SYTL5: variants seen among roughly 807,000 people sequenced by gnomAD.
The protein encoded by SYTL5 is synaptotagmin like 5.
Under a neutral mutation model 55.9 loss-of-function variants are expected in SYTL5, and 34 were observed. The observed-to-expected ratio is 0.61, with a 90% CI of 0.46 to 0.81. SYTL5 has a LOEUF of 0.81. Ranked by LOEUF, SYTL5 falls within the 30% of genes least tolerant of loss-of-function variation. The pLI, the probability that SYTL5 is intolerant of heterozygous loss-of-function variation, is 0.00. For synonymous variants in SYTL5, 221 were observed against 188.7 expected (o/e 1.17, Z -1.40); for missense variants, 637 against 546.7 (o/e 1.17, Z -1.65).
In SYTL5 at chrX:38,126,582, C is replaced by T. The variant is rs763420237; in HGVS notation, c.2051-6C>T. 1.7e-6 allele frequency: 2 copies of T among 1,211,228 alleles called. No individual in the cohort carries two copies. Among genetic ancestry groups the T allele is most frequent in the Non-Finnish European group, 1.1e-6 (1 of 895,244 alleles). On this transcript the variant is annotated splice_polypyrimidine_tract_variant and splice_region_variant and intron_variant, in intron 16 of 16. Coordinates refer to ENST00000297875, the MANE Select transcript of SYTL5 (RefSeq NM_138780.3). ...GACATAAAATTTTCCCGTTTCGCCTCTTCAGGTGTGAGCCATGGGAAGAAC... is the reference window on the plus strand; with the variant it reads ...GACATAAAATTTTCCCGTTTCGCCTTTTCAGGTGTGAGCCATGGGAAGAAC...
the SYTL5 span, among the ~76,000 whole-genome samples, chrX:37,919,290 T>C: frequency 9.0e-6 from 1 of 111,431 alleles, no homozygotes; most frequent in East Asian, 2.8e-4. Flanking sequence ...GCAAAGTGAG[T>C]AGCCAGGTGA....
At chrX:37,953,447 T>A in the SYTL5 span, among the ~76,000 whole-genome samples, 2 of 111,600 alleles carry the variant, frequency 1.8e-5, no homozygotes, top group South Asian at 3.8e-4. Context: ...ATGAGAACAC[T>A]CAGGGTCAGA....
At chrX:37,971,600 A>T in the SYTL5 span, among the ~76,000 whole-genome samples, 20 of 111,538 alleles carry the variant, frequency 1.8e-4, no homozygotes, top group African/African-American at 6.2e-4. Flanking sequence ...GTTGAAAAGT[A>T]ACAGCAGATT....
chrX:37,955,499 G>A, the SYTL5 span, among the ~76,000 whole-genome samples: 10 of 111,748 alleles, frequency 8.9e-5, no homozygotes, highest in African/African-American at 1.6e-4. Flanking sequence ...TGCCAACATC[G>A]TCTGTATTGT....
At chrX:38,050,797 T>C (rs5918461) in intron 2 of SYTL5, among the ~76,000 whole-genome samples, 44,935 of 110,786 alleles carry the variant, frequency 0.41, 8,816 homozygotes, top group African/African-American at 0.76. Flanking sequence ...TCATGGCATT[T>C]TCAGACCAGG....
chrX:37,948,967 C>T, the SYTL5 span, among the ~76,000 whole-genome samples: 1 of 111,372 alleles, frequency 9.0e-6, no homozygotes, highest in Non-Finnish European at 1.9e-5. Context: ...TATGTAAACT[C>T]TAAAGGTTCC....
intron 10 of SYTL5, chrX:38,103,200 A>T: frequency 1.9e-6 from 1 of 514,322 alleles, no homozygotes; most frequent in Non-Finnish European, 3.1e-6. Context: ...TTTCCGACTT[A>T]TATACAATTA....
At chrX:37,950,265 G>A in the SYTL5 span, among the ~76,000 whole-genome samples, 2 of 111,115 alleles carry the variant, frequency 1.8e-5, no homozygotes, top group African/African-American at 6.5e-5. Flanking sequence ...GACCCTTTCT[G>A]TTGGCACCTG....
At chrX:38,013,763 A>G (rs1383869250) in intron 1 of SYTL5, among the ~76,000 whole-genome samples, 1 of 110,174 alleles carries the variant, frequency 9.1e-6, no homozygotes, top group African/African-American at 3.3e-5. Flanking sequence ...CACTGACCTC[A>G]CCCCATCTCC....
chrX:37,935,171 G>A, the SYTL5 span, among the ~76,000 whole-genome samples: 1 of 112,165 alleles, frequency 8.9e-6, no homozygotes, highest in Admixed American at 9.5e-5. Context: ...AAGGAGGACA[G>A]AAGGCAAAGT....
Position 38,106,604 on chromosome X carries a change from C to A in SYTL5, c.1167C>A (p.Asn389Lys). 1 of 1,198,702 alleles carries A rather than the reference C, an allele frequency of 8.3e-7. No individual in the cohort carries two copies. Among genetic ancestry groups the A allele is most frequent in the Non-Finnish European group, 1.1e-6 (1 of 890,136 alleles). Residue 389 changes from asparagine (N) to lysine (K), a missense_variant, in exon 11 of 17, where the codon AAC becomes AAA. Transcript: ENST00000297875. The part of the protein sequence containing the change: ...LASGLSTTSL[N>K]SMMSVYSETG... ...CTTGTTTATTCCAGACCAGCCTTAA[C>A]AGCATGATGAGCGTTTACAGTGAAA...
At chrX:37,900,026 A>G in the SYTL5 span, among the ~76,000 whole-genome samples, 2 of 112,283 alleles carry the variant, frequency 1.8e-5, no homozygotes, top group African/African-American at 6.5e-5. Flanking sequence ...TAAGCATAAG[A>G]GTTGTGCTTG....
chrX:37,929,572 G>T, the SYTL5 span, among the ~76,000 whole-genome samples: 1 of 111,947 alleles, frequency 8.9e-6, no homozygotes, highest in Admixed American at 9.5e-5. Flanking sequence ...AGTGAAGAAG[G>T]TACCATGCAG....
chrX:38,088,892 G>C (rs1414652619), intron 6 of SYTL5, among the ~76,000 whole-genome samples: 1 of 112,221 alleles, frequency 8.9e-6, no homozygotes, highest in African/African-American at 3.2e-5. Flanking sequence ...GATCCATTAG[G>C]GAGCCAAACA....
the SYTL5 span, among the ~76,000 whole-genome samples, chrX:37,957,585 A>G: frequency 8.9e-6 from 1 of 112,012 alleles, no homozygotes; most frequent in African/African-American, 3.2e-5. Context: ...TCTGTTGACT[A>G]CATGTATGGG....
chrX:37,983,074 A>G, the SYTL5 span, among the ~76,000 whole-genome samples: 173 of 111,778 alleles, frequency 1.5e-3, 1 homozygote, highest in African/African-American at 5.4e-3. Context: ...ATTCTACAGT[A>G]GAAAATATTC....
At chrX:37,992,115 A>T in the SYTL5 span, among the ~76,000 whole-genome samples, 1 of 112,958 alleles carries the variant, frequency 8.9e-6, no homozygotes, top group Admixed American at 9.3e-5. Flanking sequence ...TAATTACCAT[A>T]TATTGCATAG....
At chrX:38,076,967 T>C (rs1936406301) in intron 6 of SYTL5, among the ~76,000 whole-genome samples, 1 of 112,249 alleles carries the variant, frequency 8.9e-6, no homozygotes, top group African/African-American at 3.2e-5. Flanking sequence ...AATGGAAATG[T>C]ACAGGGCAAG....
chrX:37,960,398 C>A, the SYTL5 span, among the ~76,000 whole-genome samples: 8 of 112,188 alleles, frequency 7.1e-5, no homozygotes, highest in African/African-American at 2.6e-4. Flanking sequence ...TTAAAAGTAG[C>A]CTTGAAACAT....
Sources: allele counts gnomAD v4.1 joint callset (sites outside exome capture counted in the v4.1 genomes callset), GRCh38; gene constraint gnomAD v4.1.1; transcripts MANE v1.5; gene names NCBI Gene and HGNC (gene_info 2026-07-23, HGNC 2026-07-21).